Variants in WWOX observed in about 807,000 individuals in gnomAD.
WWOX encodes WW domain-containing oxidoreductase.
A neutral mutation model predicts 46.2 loss-of-function variants in WWOX; 69 were observed. The observed-to-expected ratio is 1.49, with a 90% CI of 1.23 to 1.82. The LOEUF (loss-of-function observed/expected upper bound fraction) is 1.82. Among genes scored for constraint, WWOX ranks in the 40% most tolerant of loss-of-function variants. The pLI is 0.00. For missense variants in WWOX, 919 were observed against 542.6 expected, an observed-to-expected ratio of 1.69 and a Z score of -6.89; for synonymous variants, 359 against 202.6, an observed-to-expected ratio of 1.77 and a Z score of -6.56.
intron 8 of WWOX, among the ~76,000 whole-genome samples, chr16:78,513,331 C>T (rs2085409761): frequency 6.6e-6 from 1 of 152,182 alleles, no homozygotes; most frequent in East Asian, 1.9e-4. Context: ...AGGGTATGGG[C>T]AACATTTGAT....
At chr16:78,317,461 C>T (rs1567496554) in intron 5 of WWOX, among the ~76,000 whole-genome samples, 2 of 152,094 alleles carry the variant, frequency 1.3e-5, no homozygotes, top group South Asian at 2.1e-4. Context: ...AAGAATGACC[C>T]GTCCCCAAAT....
chr16:78,845,417 G>T (rs998816084), intron 8 of WWOX, among the ~76,000 whole-genome samples: 1 of 152,046 alleles, frequency 6.6e-6, no homozygotes, highest in Non-Finnish European at 1.5e-5. Flanking sequence ...CCCTTTTTAG[G>T]AGCGGCCTGG....
At chr16:78,965,893 C>T (rs760172698) in intron 8 of WWOX, among the ~76,000 whole-genome samples, 29 of 152,182 alleles carry the variant, frequency 1.9e-4, no homozygotes, top group Admixed American at 9.2e-4. Context: ...GCAGTATTGC[C>T]GTGGTTTATA....
chr16:78,484,229 T>C (rs1384638834), intron 8 of WWOX, among the ~76,000 whole-genome samples: 3 of 152,226 alleles, frequency 2.0e-5, no homozygotes, highest in South Asian at 4.1e-4. Flanking sequence ...AGTAATACTT[T>C]TGTACCTTTC....
chr16:78,540,018 TCTCACACACA>T (rs1375355303), intron 8 of WWOX, among the ~76,000 whole-genome samples: 103 of 102,554 alleles, frequency 1.0e-3, no homozygotes, highest in African/African-American at 2.8e-3. Context: ...TCTCTCTCTC[TCTCACACACA>T]CACACACACA....
At chr16:79,173,430 A>C (rs2050740442) in intron 8 of WWOX, among the ~76,000 whole-genome samples, 1 of 152,218 alleles carries the variant, frequency 6.6e-6, no homozygotes, top group Admixed American at 6.5e-5. Context: ...GCATGACCCA[A>C]GTGAGCAAAC....
intron 4 of WWOX, among the ~76,000 whole-genome samples, chr16:78,163,243 T>C (rs2034856864): frequency 6.6e-6 from 1 of 152,226 alleles, no homozygotes; most frequent in South Asian, 2.1e-4. Flanking sequence ...GAACATTTTC[T>C]CTTGCTTCTG....
chr16:78,600,806 A>G (rs60754016), intron 8 of WWOX, among the ~76,000 whole-genome samples: 2,576 of 152,240 alleles, frequency 0.017, 73 homozygotes, highest in African/African-American at 0.056. Flanking sequence ...CAACCCTTTG[A>G]ATCGGATGTC....
intron 8 of WWOX, among the ~76,000 whole-genome samples, chr16:78,830,136 A>G (rs557750745): frequency 1.3e-5 from 2 of 152,246 alleles, no homozygotes; most frequent in Non-Finnish European, 1.5e-5. Context: ...TAAACAAAAT[A>G]CTTCTGCAAC....
At chr16:79,034,489 A>C (rs1488789342) in intron 8 of WWOX, among the ~76,000 whole-genome samples, 4 of 152,184 alleles carry the variant, frequency 2.6e-5, no homozygotes, top group East Asian at 1.9e-4. Flanking sequence ...GGGCTCTGTT[A>C]AGACATGCTA....
intron 5 of WWOX, among the ~76,000 whole-genome samples, chr16:78,187,902 C>T (rs1000552637): frequency 3.9e-5 from 6 of 152,112 alleles, no homozygotes; most frequent in South Asian, 4.1e-4. Context: ...ATTTCAGTGA[C>T]GTAACAGGTG....
At chr16:78,962,518 A>T (rs185201551) in intron 8 of WWOX, among the ~76,000 whole-genome samples, 8 of 152,048 alleles carry the variant, frequency 5.3e-5, no homozygotes, top group Non-Finnish European at 8.8e-5. Flanking sequence ...GGCTTAAATA[A>T]TGTATTCTGT....
intron 8 of WWOX, among the ~76,000 whole-genome samples, chr16:78,813,605 G>A (rs1234740759): frequency 6.6e-6 from 1 of 152,084 alleles, no homozygotes; most frequent in Non-Finnish European, 1.5e-5. Flanking sequence ...GTGAGCTCCT[G>A]TGTGTGTGTT....
intron 8 of WWOX, among the ~76,000 whole-genome samples, chr16:79,108,228 C>G (rs1352661664): frequency 6.6e-6 from 1 of 152,244 alleles, no homozygotes; most frequent in Non-Finnish European, 1.5e-5. Context: ...CTGGCTTTGA[C>G]TAGACCCTCT....
chr16:78,355,908 A>T lies in WWOX; in HGVS notation c.517-30952A>T, dbSNP rs575844387. The T allele has an allele frequency of 2.7e-5, 10 of 374,546 alleles. 1 individual carries two copies. Among genetic ancestry groups the T allele is most frequent in the South Asian group, 2.0e-4 (7 of 35,342 alleles). 23.2% of individuals were successfully genotyped at this position (374,546 alleles called of 1,614,324 possible). A position where few individuals can be genotyped will look rare whatever the true frequency, so the allele number is the denominator to read the frequency against. On this transcript the variant is annotated intron_variant, in intron 5 of 8. Transcript: ENST00000566780. ...CTCTCTAAATGTGCAAGATATTCAA[A>T]AGAGAAACCCGCATACATTTGGATA...
intron 8 of WWOX, among the ~76,000 whole-genome samples, chr16:78,969,886 C>T (rs909228376): frequency 6.6e-6 from 1 of 152,080 alleles, no homozygotes; most frequent in South Asian, 2.1e-4. Flanking sequence ...CTAAAGATAG[C>T]AGGATTCCTT....
chr16:78,386,979 T>C, intron 6 of WWOX, 31 bp downstream of exon 6: 5 of 1,593,244 alleles, frequency 3.1e-6, no homozygotes, highest in Non-Finnish European at 4.3e-6. Flanking sequence ...TTATAGATCA[T>C]AATTTCTTGC....
chr16:78,381,501 T>G (rs1202660017), intron 5 of WWOX, among the ~76,000 whole-genome samples: 1 of 152,220 alleles, frequency 6.6e-6, no homozygotes, highest in Non-Finnish European at 1.5e-5. Flanking sequence ...TACATAGAAG[T>G]TGCCTGATGC....
intron 6 of WWOX, among the ~76,000 whole-genome samples, chr16:78,400,491 G>A (rs905154389): frequency 6.6e-6 from 1 of 152,126 alleles, no homozygotes; most frequent in Admixed American, 6.5e-5. Context: ...ATTGTGGATC[G>A]ATGGATGGAT....
Sources: allele counts gnomAD v4.1 joint callset (sites outside exome capture counted in the v4.1 genomes callset), GRCh38; gene constraint gnomAD v4.1.1; transcripts MANE v1.5; gene names NCBI Gene and HGNC (gene_info 2026-07-23, HGNC 2026-07-21).